REV1: variants seen among roughly 807,000 people sequenced by gnomAD.
The protein encoded by REV1 is translesion synthesis protein REV1.
Under a neutral mutation model 137.4 loss-of-function variants are expected in REV1, and 42 were observed. That is an observed-to-expected ratio of 0.31 (90% CI 0.24 to 0.40). REV1 has a LOEUF of 0.40. Among genes scored for constraint, REV1 ranks in the 10% least tolerant of loss-of-function variants. The probability of loss-of-function intolerance (pLI) is 1.00; values close to 1 mark genes in which losing one functional copy is unlikely to be tolerated. For missense variants in REV1, 1,282 were observed against 1,490.1 expected, an observed-to-expected ratio of 0.86 and a Z score of 2.30; for synonymous variants, 524 against 519.2, an observed-to-expected ratio of 1.01 and a Z score of -0.12.
At chr2:99,412,612 A>G (rs1156729622) in intron 13 of REV1, 119 bp downstream of exon 13, 16 of 767,432 alleles carry the variant, frequency 2.1e-5, no homozygotes, top group South Asian at 1.9e-4. Context: ...GGCTCTGGGG[A>G]TACAACAGTT....
intron 14 of REV1, 41 bp downstream of exon 14, chr2:99,410,654 C>T (rs748900953): frequency 6.6e-6 from 10 of 1,509,314 alleles, no homozygotes; most frequent in Non-Finnish European, 8.0e-6. Flanking sequence ...ACAACCTGTA[C>T]TGAAATATAA....
Position 99,442,357 on chromosome 2 carries a change from G to A in REV1, c.463C>T (p.Pro155Ser). 1 of 1,612,910 alleles carries A rather than the reference G, an allele frequency of 6.2e-7. No individual in the cohort carries two copies. Among genetic ancestry groups the A allele is most frequent in the South Asian group, 1.1e-5 (1 of 91,046 alleles). Residue 155 changes from proline (P) to serine (S), a missense_variant, in exon 5 of 23, where the codon CCA becomes TCA. By Grantham distance (74) the Pro-to-Ser change is moderately conservative. Around this residue, in one of 7 missense-constraint regions of REV1, gnomAD observed 432 missense variants for 438.0 expected, o/e 0.99. Transcript: ENST00000258428. Reference protein sequence around the residue: ...NPVCRPEDPLPGPSNIAKQLN... With the variant: ...NPVCRPEDPLSGPSNIAKQLN... The stretch of plus-strand genomic sequence containing the variant: ...TGTTTGGCTATATTGCTTGGACCTG[G>A]CAGAGGATCCTCAGGTCTGCATACA...
chr2:99,477,080 G>GA (rs1686059808), intron 1 of REV1, among the ~76,000 whole-genome samples: 1 of 720 alleles, frequency 1.4e-3, no homozygotes. Context: ...GTGGTCTTGG[G>GA]ACCCCAACTC....
chr2:99,487,232 C>T (rs1219287254), intron 1 of REV1, among the ~76,000 whole-genome samples: 1 of 152,008 alleles, frequency 6.6e-6, no homozygotes, highest in African/African-American at 2.4e-5. Flanking sequence ...ACGTTAGAAG[C>T]TGGCAGCTGC....
intron 6 of REV1, chr2:99,436,531 AAC>A (rs1198786780): frequency 6.5e-6 from 1 of 152,802 alleles, no homozygotes. Context: ...AGTACTTAAA[AAC>A]AGTCTATAAA....
chr2:99,446,840 C>T lies in REV1; in HGVS notation c.350+2496G>A, dbSNP rs1216115935. ...AAATCAATTCCCCCCAGCAAGATCGCTTTCCCCTCAACTCTCCTCCTGTCC... is the reference window on the plus strand; with the variant it reads ...AAATCAATTCCCCCCAGCAAGATCGTTTTCCCCTCAACTCTCCTCCTGTCC... On this transcript the variant is annotated intron_variant, in intron 4 of 22. Transcript: ENST00000258428. Among the ~76,000 whole-genome samples, 7 of 152,112 alleles carry T rather than the reference C, an allele frequency of 4.6e-5. 1 individual carries two copies. The East Asian group carries it at 7.7e-4, about 17-fold the overall frequency.
At chr2:99,485,041 C>T (rs1423796341) in intron 1 of REV1, among the ~76,000 whole-genome samples, 1 of 152,076 alleles carries the variant, frequency 6.6e-6, no homozygotes, top group East Asian at 1.9e-4. Context: ...AAATGTTACA[C>T]AAAGCAGCAG....
intron 14 of REV1, 132 bp from the exon 15 acceptor site, chr2:99,408,263 G>A: frequency 2.2e-6 from 1 of 451,610 alleles, no homozygotes; most frequent in Non-Finnish European, 3.8e-6. Context: ...AAAAGTGAAT[G>A]CCATAGTCTC....
intron 1 of REV1, among the ~76,000 whole-genome samples, chr2:99,488,349 T>C (rs940939468): frequency 8.4e-6 from 1 of 119,126 alleles, no homozygotes; most frequent in Non-Finnish European, 1.8e-5. Context: ...GAAATTAATT[T>C]TAAAAGAGCA....
intron 8 of REV1, among the ~76,000 whole-genome samples, chr2:99,432,777 A>C (rs2104748730): frequency 6.6e-6 from 1 of 152,332 alleles, no homozygotes. Flanking sequence ...TGATTATAGA[A>C]GGTCATTAAA....
chr2:99,469,589 T>C (rs941726675), intron 1 of REV1, among the ~76,000 whole-genome samples: 1 of 152,200 alleles, frequency 6.6e-6, no homozygotes, highest in Non-Finnish European at 1.5e-5. Flanking sequence ...CCAGGGATCC[T>C]GAATGCCTAC....
intron 1 of REV1, among the ~76,000 whole-genome samples, chr2:99,474,303 G>A (rs1040820942): frequency 5.9e-5 from 9 of 152,186 alleles, no homozygotes; most frequent in African/African-American, 2.2e-4. Context: ...TTCTAGGGTA[G>A]AGAAGCTAAA....
At chr2:99,402,042 T>G (rs1000231138) in intron 22 of REV1, among the ~76,000 whole-genome samples, 8 of 152,160 alleles carry the variant, frequency 5.3e-5, no homozygotes, top group African/African-American at 1.7e-4. Context: ...CTTCCTATGG[T>G]TTTTTAATCA....
At chr2:99,421,713 T>C in intron 10 of REV1, 60 bp from the exon 11 acceptor site, 1 of 1,529,308 alleles carries the variant, frequency 6.5e-7, no homozygotes, top group South Asian at 1.2e-5. Context: ...GTAGACCCAA[T>C]GTTGCAAAAT....
chr2:99,437,878 T>G (rs1481369204), intron 6 of REV1, among the ~76,000 whole-genome samples: 1 of 152,116 alleles, frequency 6.6e-6, no homozygotes, highest in South Asian at 2.1e-4. Flanking sequence ...ACACCCCACA[T>G]AGAGTCTCTA....
intron 15 of REV1, chr2:99,406,839 T>C (rs931548228): frequency 1.8e-5 from 3 of 162,840 alleles, no homozygotes; most frequent in South Asian, 2.0e-4. Context: ...GAGAGGACAG[T>C]CTACTTGGAA....
intron 1 of REV1, among the ~76,000 whole-genome samples, chr2:99,466,881 G>A (rs1684868990): frequency 6.6e-6 from 1 of 152,150 alleles, no homozygotes; most frequent in African/African-American, 2.4e-5. Context: ...TATTTCTCCT[G>A]TTTTCAAGAG....
At chr2:99,460,230 C>A (rs899451971) in intron 3 of REV1, among the ~76,000 whole-genome samples, 1 of 152,184 alleles carries the variant, frequency 6.6e-6, no homozygotes, top group Non-Finnish European at 1.5e-5. Flanking sequence ...GCGCACGTCA[C>A]CACGCCCAGC....
At position 99,438,620 on chromosome 2, in the gene REV1, T is replaced by C. The variant is rs147362508; in HGVS notation, c.1194A>G (p.Ala398=). ...ATCTACCTGTGTCAGTTACAACAAG[T>C]GCAGACCTGCCTGTTTTCATTTTTT... ...KLKKMKTGRS[A]LVVTDTGDMS... is the part of the protein sequence containing the mutation. Residue 398 remains alanine, a synonymous_variant, in exon 6 of 23, where the codon GCA becomes GCG. Transcript: ENST00000258428. The C allele has an allele frequency of 1.9e-6, 3 of 1,613,066 alleles. No individual in the cohort carries two copies. Among genetic ancestry groups the C allele is most frequent in the East Asian group, 2.2e-5 (1 of 44,880 alleles).
Sources: allele counts gnomAD v4.1 joint callset (sites outside exome capture counted in the v4.1 genomes callset), GRCh38; gene constraint gnomAD v4.1.1; regional missense constraint gnomAD v4.1.1; transcripts MANE v1.5; gene names NCBI Gene and HGNC (gene_info 2026-07-23, HGNC 2026-07-21).